Variants in SLC14A2 observed in about 807,000 individuals in gnomAD.
SLC14A2 encodes solute carrier family 14 member 2, also known as urea transporter 2.
SLC14A2 carries 91 observed loss-of-function variants against 104.6 expected under a neutral mutation model. The ratio of observed to expected loss-of-function variants is 0.87; its 90% CI spans 0.73 to 1.04. SLC14A2 has a LOEUF of 1.04. Ranked by LOEUF, SLC14A2 falls within the 50% of genes least tolerant of loss-of-function variation. The pLI, the probability that SLC14A2 is intolerant of heterozygous loss-of-function variation, is 0.00. For missense variants in SLC14A2, 1,189 were observed against 1,156.0 expected (o/e 1.03, Z -0.41); for synonymous variants, 476 against 466.4 (o/e 1.02, Z -0.27).
At chr18:45,553,917 G>T (rs965029435) in intron 2 of SLC14A2, among the ~76,000 whole-genome samples, 1 of 152,140 alleles carries the variant, frequency 6.6e-6, no homozygotes, top group Non-Finnish European at 1.5e-5. Flanking sequence ...GCCATACAAG[G>T]GTTCCCATCT....
chr18:45,560,077 G>A (rs2044182047), intron 2 of SLC14A2, among the ~76,000 whole-genome samples: 1 of 152,142 alleles, frequency 6.6e-6, no homozygotes, highest in Non-Finnish European at 1.5e-5. Flanking sequence ...CCCTCCCAGG[G>A]AGCTCACTGC....
At position 45,674,939 on chromosome 18, in the gene SLC14A2, C is replaced by T. The variant is rs181941139; in HGVS notation, c.2512+1122C>T. The stretch of plus-strand genomic sequence containing the variant: ...GGTGCTTCACTCACCTCCCCAAGTC[C>T]CAGCCTTGACAAAGAGGTGAAGTGG... On this transcript the variant is annotated intron_variant, in intron 18 of 19. Transcript: ENST00000255226. Among the ~76,000 whole-genome samples, 50 of 152,278 alleles carry T rather than the reference C, an allele frequency of 3.3e-4. 1 individual carries two copies. The highest frequency in any genetic ancestry group is 1.5e-3 in the Admixed American group (23 of 15,302).
intron 1 of SLC14A2, among the ~76,000 whole-genome samples, chr18:45,329,888 G>T (rs1480536351): frequency 1.3e-5 from 2 of 152,086 alleles, no homozygotes; most frequent in Admixed American, 6.5e-5. Flanking sequence ...AAGTCATCAT[G>T]GTTTGTAATA....
At chr18:45,386,791 T>A (rs1157090005) in intron 1 of SLC14A2, among the ~76,000 whole-genome samples, 1 of 152,206 alleles carries the variant, frequency 6.6e-6, no homozygotes, top group African/African-American at 2.4e-5. Flanking sequence ...AAGACTCAGT[T>A]TCCTCAACTG....
chr18:45,254,551 C>A (rs561654403), intron 1 of SLC14A2, among the ~76,000 whole-genome samples: 1 of 152,344 alleles, frequency 6.6e-6, no homozygotes, highest in South Asian at 2.1e-4. Flanking sequence ...CTTCCATAGA[C>A]TGTGAAACAA....
intron 1 of SLC14A2, among the ~76,000 whole-genome samples, chr18:45,338,033 A>G (rs2085353194): frequency 6.6e-6 from 1 of 151,922 alleles, no homozygotes; most frequent in Non-Finnish European, 1.5e-5. Flanking sequence ...GCTCTCCACA[A>G]CCCCCTTATA....
chr18:45,648,195 CTTTTTTTTT>C (rs59843067), intron 10 of SLC14A2, among the ~76,000 whole-genome samples: 1 of 101,246 alleles, frequency 9.9e-6, no homozygotes, highest in African/African-American at 3.9e-5. Flanking sequence ...CTAGTTAATG[CTTTTTTTTT>C]TTTTTTTTTT....
chr18:45,206,694 A>C, the SLC14A2 span, among the ~76,000 whole-genome samples: 4 of 152,218 alleles, frequency 2.6e-5, no homozygotes, highest in Non-Finnish European at 4.4e-5. Context: ...TAATCTGAGC[A>C]GTTGAGTGCC....
rs2084741184 is a variant in SLC14A2 at position 45,279,654 on chromosome 18, T to C, written c.-125+66463T>C. ...CAGGAGAGTCAGTCTCTTCTGTGAT[T>C]CCTTTTACCAAGCAGGTGATGACTT... On this transcript the variant is annotated intron_variant, in intron 1 of 20. Coordinates refer to the SLC14A2 transcript ENST00000586448. Among the ~76,000 whole-genome samples the C allele has an allele frequency of 2.0e-5, 3 of 152,236 alleles. No homozygotes were observed. The South Asian group carries it at 6.2e-4, about 32-fold the overall frequency.
intron 1 of SLC14A2, among the ~76,000 whole-genome samples, chr18:45,369,054 G>A (rs2085695578): frequency 6.6e-6 from 1 of 152,172 alleles, no homozygotes; most frequent in South Asian, 2.1e-4. Context: ...AGAAAAGGCT[G>A]ATTCTCCATG....
rs73423797 is a variant in SLC14A2 at position 45,626,391 on chromosome 18, T to C, written c.331+528T>C. ...GCCCCGACACCTGCACCAGTTGTCA[T>C]GGAAACCAAACCAGCAAATGAGGCA... On this transcript the variant is annotated intron_variant, in intron 3 of 19. Coordinates refer to ENST00000255226, the MANE Select transcript of SLC14A2 (RefSeq NM_007163.4). 5.4e-3 allele frequency among the ~76,000 whole-genome samples: 828 copies of C among 152,260 alleles called. 9 individuals carry two copies. The highest frequency in any genetic ancestry group is 0.017 in the African/African-American group (714 of 41,544).
chr18:45,453,649 A>T (rs1050929206), intron 1 of SLC14A2, among the ~76,000 whole-genome samples: 20 of 151,972 alleles, frequency 1.3e-4, no homozygotes, highest in Non-Finnish European at 2.8e-4. Flanking sequence ...ATTCTTGAGT[A>T]TTTTTGTGAT....
chr18:45,666,560 TGCCAG>T (rs1353199813), intron 12 of SLC14A2, among the ~76,000 whole-genome samples: 1 of 147,978 alleles, frequency 6.8e-6, no homozygotes, highest in Admixed American at 6.9e-5. Context: ...AGACTAGACA[TGCCAG>T]GGAGAAAGCC....
At chr18:45,515,852 G>A (rs1436323943) in intron 2 of SLC14A2, among the ~76,000 whole-genome samples, 1 of 152,262 alleles carries the variant, frequency 6.6e-6, no homozygotes, top group Non-Finnish European at 1.5e-5. Context: ...AGCTGTTCTT[G>A]TAAATGAAGC....
chr18:45,236,283 G>A (rs542295002), intron 1 of SLC14A2, among the ~76,000 whole-genome samples: 3 of 55,362 alleles, frequency 5.4e-5, no homozygotes, highest in Admixed American at 2.6e-4. Context: ...GTGTGTATAT[G>A]TGTATATATA....
At position 45,669,365 on chromosome 18, in the gene SLC14A2, C is replaced by T; in HGVS notation, c.2096C>T (p.Thr699Ile). The T allele has an allele frequency of 6.2e-7, 1 of 1,614,192 alleles. No individual in the cohort carries two copies. Among genetic ancestry groups the T allele is most frequent in the Non-Finnish European group, 8.5e-7 (1 of 1,179,986 alleles). Residue 699 changes from threonine to isoleucine, a missense_variant, in exon 16 of 20, where the codon ACA becomes ATA. Physicochemically the swap from Thr to Ile is moderately conservative, Grantham distance 89. Transcript: ENST00000255226. ...IFSKWDLPVFTLPFNITVTLY... is the reference protein window; with the variant it reads ...IFSKWDLPVFILPFNITVTLY... ...AGCAAGTGGGACCTCCCAGTCTTCA[C>T]ACTGCCCTTCAATATCACTGTGACT...
intron 2 of SLC14A2, among the ~76,000 whole-genome samples, chr18:45,583,625 C>T (rs1024139455): frequency 6.6e-6 from 1 of 151,892 alleles, no homozygotes; most frequent in African/African-American, 2.4e-5. Flanking sequence ...AAGAAAGCAC[C>T]CAAAACTCCC....
chr18:45,267,440 AC>A (rs1249207416), intron 1 of SLC14A2, among the ~76,000 whole-genome samples: 1 of 152,126 alleles, frequency 6.6e-6, no homozygotes, highest in Admixed American at 6.6e-5. Context: ...TGTGCTGTCA[AC>A]CCTTTTAGAC....
chr18:45,427,957 G>A (rs900883819), intron 1 of SLC14A2, among the ~76,000 whole-genome samples: 12 of 152,162 alleles, frequency 7.9e-5, no homozygotes, highest in Admixed American at 5.2e-4. Context: ...CAAAGGTGTC[G>A]TGAAGATCTG....
Sources: gnomAD v4.1 joint callset for allele counts (sites outside exome capture counted in the v4.1 genomes callset) on GRCh38, gnomAD v4.1.1 for gene constraint, MANE v1.5 for transcripts, NCBI Gene and HGNC (gene_info 2026-07-23, HGNC 2026-07-21) for gene names.